LCMT1: variants seen among roughly 807,000 people sequenced by gnomAD.
The protein encoded by LCMT1 is [Phosphatase 2A protein]-leucine-carboxy methyltransferase 1.
LCMT1 carries 32 observed loss-of-function variants against 47.7 expected under a neutral mutation model. The observed-to-expected ratio is 0.67, with a 90% CI of 0.51 to 0.90. LCMT1 has a LOEUF of 0.90. Among genes scored for constraint, LCMT1 ranks in the 40% least tolerant of loss-of-function variants. The probability of loss-of-function intolerance (pLI) is 0.00; values close to 1 mark genes in which losing one functional copy is unlikely to be tolerated. For missense variants in LCMT1, 375 were observed against 415.2 expected (o/e 0.90, Z 0.84); for synonymous variants, 152 against 149.7 (o/e 1.02, Z -0.11).
At chr16:25,126,039 C>T (rs1269483619) in intron 1 of LCMT1, 5 of 1,351,284 alleles carry the variant, frequency 3.7e-6, no homozygotes, top group Non-Finnish European at 4.9e-6. Context: ...TTCATCTTGG[C>T]CACTCTGATA....
chr16:25,111,842 C>A lies in LCMT1; in HGVS notation c.-42C>A. The A allele has an allele frequency of 7.1e-7, 1 of 1,413,386 alleles. No homozygotes were observed. The highest frequency in any genetic ancestry group is 2.4e-5 in the East Asian group (1 of 42,276). The allele number at this position is 1,413,386 out of a possible 1,614,324, so 87.6% of individuals were successfully genotyped here. ...CCCCCGCCGCCCGTCGACCCCGCTT[C>A]CATGTCCCTGGCGGACACAGCTCCC... On this transcript the variant is annotated 5_prime_UTR_variant, in exon 1 of 11. Transcript: ENST00000399069.
intron 4 of LCMT1, chr16:25,144,620 G>A (rs1167889327): frequency 6.6e-6 from 1 of 152,188 alleles, no homozygotes; most frequent in Non-Finnish European, 1.5e-5. Flanking sequence ...TTGGTAGTTG[G>A]TCAGCCTCCC....
At chr16:25,163,467 C>CAAAA (rs11318381) in intron 6 of LCMT1, among the ~76,000 whole-genome samples, 3 of 97,508 alleles carry the variant, frequency 3.1e-5, no homozygotes, top group Admixed American at 1.1e-4. Flanking sequence ...GACTCTGTCT[C>CAAAA]AAAAAAAAAA....
At chr16:25,112,045 A>G in intron 1 of LCMT1, 49 bp downstream of exon 1, 2 of 1,202,166 alleles carry the variant, frequency 1.7e-6, no homozygotes, top group Non-Finnish European at 1.2e-6. Context: ...GCGCGGGCCT[A>G]GGTGGGAGGT....
chr16:25,137,430 C>T (rs1960534793), intron 3 of LCMT1, among the ~76,000 whole-genome samples: 4 of 152,184 alleles, frequency 2.6e-5, no homozygotes, highest in African/African-American at 9.7e-5. Context: ...GAGCCCAAGT[C>T]TCCTTGGATG....
intron 9 of LCMT1, among the ~76,000 whole-genome samples, chr16:25,171,165 C>T (rs1961755005): frequency 6.7e-6 from 1 of 150,116 alleles, no homozygotes; most frequent in Non-Finnish European, 1.5e-5. Context: ...AAACCTGGGG[C>T]GGGGGCAGAG....
intron 5 of LCMT1, among the ~76,000 whole-genome samples, chr16:25,160,187 T>G (rs1961381784): frequency 6.6e-6 from 1 of 152,184 alleles, no homozygotes; most frequent in South Asian, 2.1e-4. Context: ...GACCTTGTGA[T>G]CCACCCATCT....
intron 3 of LCMT1, among the ~76,000 whole-genome samples, chr16:25,135,139 G>A (rs979294408): frequency 2.6e-5 from 4 of 152,000 alleles, no homozygotes; most frequent in African/African-American, 9.7e-5. Context: ...TGAGGCTTAC[G>A]TACCCCTCCT....
rs117133859 is a variant in LCMT1 at position 25,119,522 on chromosome 16, A to G, written c.113+7526A>G. 2.5e-3 allele frequency among the ~76,000 whole-genome samples: 386 copies of G among 152,120 alleles called. 11 individuals carry two copies. The East Asian group carries it at 0.045, about 18-fold the overall frequency. Reference sequence around the variant, plus strand: ...TGAGGTCTTAACGTTCTGGTTTTCTATTTTACTGACTTTTAGTGGTCTATG... The same window carrying G: ...TGAGGTCTTAACGTTCTGGTTTTCTGTTTTACTGACTTTTAGTGGTCTATG... On this transcript the variant is annotated intron_variant, in intron 1 of 10. Transcript: ENST00000399069.
At chr16:25,155,747 C>G (rs186515849) in intron 5 of LCMT1, among the ~76,000 whole-genome samples, 1 of 149,772 alleles carries the variant, frequency 6.7e-6, no homozygotes, top group East Asian at 2.0e-4. Context: ...TGCAATTGGT[C>G]ACAGCTCACT....
intron 5 of LCMT1, among the ~76,000 whole-genome samples, chr16:25,154,167 G>A (rs1438064396): frequency 1.3e-5 from 2 of 151,612 alleles, no homozygotes; most frequent in South Asian, 2.1e-4. Flanking sequence ...GCGCCACCAC[G>A]CCTGGCTAAT....
At chr16:25,174,356 A>G (rs1001899098) in intron 9 of LCMT1, among the ~76,000 whole-genome samples, 2 of 152,256 alleles carry the variant, frequency 1.3e-5, no homozygotes, top group African/African-American at 4.8e-5. Flanking sequence ...CTCTCTTAAG[A>G]GACAACTACC....
chr16:25,125,322 T>C (rs1352186274), intron 1 of LCMT1, among the ~76,000 whole-genome samples: 1 of 152,250 alleles, frequency 6.6e-6, no homozygotes, highest in Non-Finnish European at 1.5e-5. Context: ...ACTATAACTC[T>C]GTGTTCAGTG....
At chr16:25,167,349 G>A (rs138404929) in intron 7 of LCMT1, among the ~76,000 whole-genome samples, 37 of 149,838 alleles carry the variant, frequency 2.5e-4, no homozygotes, top group African/African-American at 8.4e-4. Context: ...ACAGGGTCTC[G>A]TTCTGTCGCC....
At chr16:25,114,757 GCTC>G (rs1046372498) in intron 1 of LCMT1, among the ~76,000 whole-genome samples, 3 of 152,038 alleles carry the variant, frequency 2.0e-5, no homozygotes, top group Admixed American at 6.6e-5. Context: ...CTCTCCCGTG[GCTC>G]CTCCTCCTTC....
intron 6 of LCMT1, among the ~76,000 whole-genome samples, chr16:25,162,343 C>G (rs554043381): frequency 6.6e-6 from 1 of 152,166 alleles, no homozygotes; most frequent in East Asian, 1.9e-4. Flanking sequence ...AATCTCAGCA[C>G]TTTGGGAGGC....
intron 1 of LCMT1, among the ~76,000 whole-genome samples, chr16:25,116,439 G>A (rs1046755816): frequency 1.3e-5 from 2 of 152,280 alleles, no homozygotes; most frequent in Admixed American, 1.3e-4. Flanking sequence ...CATCAGTGGT[G>A]CAGAGTGCCC....
At chr16:25,128,627 A>G (rs1225809762) in intron 2 of LCMT1, 61 bp downstream of exon 2, 2 of 1,288,938 alleles carry the variant, frequency 1.6e-6, no homozygotes, top group Non-Finnish European at 2.2e-6. Context: ...TTAGGGGTTC[A>G]TTCTTGAAGG....
intron 9 of LCMT1, among the ~76,000 whole-genome samples, chr16:25,173,096 T>A (rs994031496): frequency 6.6e-6 from 1 of 152,204 alleles, no homozygotes; most frequent in African/African-American, 2.4e-5. Context: ...TGTATCTGCT[T>A]TTGCCGGAAA....
Sources: allele counts gnomAD v4.1 joint callset (sites outside exome capture counted in the v4.1 genomes callset), GRCh38; gene constraint gnomAD v4.1.1; transcripts MANE v1.5; gene names NCBI Gene and HGNC (gene_info 2026-07-23, HGNC 2026-07-21).